Variants in SYT16 observed in about 807,000 individuals in gnomAD.
SYT16 encodes synaptotagmin-16.
Under a neutral mutation model 61.4 loss-of-function variants are expected in SYT16, and 42 were observed. The ratio of observed to expected loss-of-function variants is 0.68; its 90% CI spans 0.53 to 0.89. SYT16 has a LOEUF of 0.89. Among genes scored for constraint, SYT16 ranks in the 40% least tolerant of loss-of-function variants. The probability of loss-of-function intolerance (pLI) is 0.00; values close to 1 mark genes in which losing one functional copy is unlikely to be tolerated. For synonymous variants in SYT16, 314 were observed against 302.3 expected, an observed-to-expected ratio of 1.04 and a Z score of -0.40; for missense variants, 804 against 807.3, an observed-to-expected ratio of 1.00 and a Z score of 0.05.
chr14:61,818,810 A>G (rs2045526563), intron 1 of SYT16, among the ~76,000 whole-genome samples: 1 of 152,204 alleles, frequency 6.6e-6, no homozygotes, highest in East Asian at 1.9e-4. Context: ...AAGCCTGGGT[A>G]ATTATAAACA....
chr14:61,822,703 C>A (rs1325736412), intron 1 of SYT16, among the ~76,000 whole-genome samples: 1 of 152,056 alleles, frequency 6.6e-6, no homozygotes, highest in Non-Finnish European at 1.5e-5. Flanking sequence ...AAGCAGAAGG[C>A]AGTATGCTTT....
At chr14:61,848,573 C>T (rs1196210881) in intron 1 of SYT16, among the ~76,000 whole-genome samples, 1 of 152,158 alleles carries the variant, frequency 6.6e-6, no homozygotes, top group Non-Finnish European at 1.5e-5. Flanking sequence ...TAGCCGCTAC[C>T]TGGGTACTGC....
intron 1 of SYT16, among the ~76,000 whole-genome samples, chr14:61,898,307 A>G (rs1454531515): frequency 6.6e-6 from 1 of 152,196 alleles, no homozygotes; most frequent in Non-Finnish European, 1.5e-5. Flanking sequence ...TTAACCAGGA[A>G]AAGAGAGAAG....
At chr14:61,918,625 G>A (rs985854740) in intron 1 of SYT16, among the ~76,000 whole-genome samples, 4 of 151,808 alleles carry the variant, frequency 2.6e-5, no homozygotes, top group African/African-American at 9.7e-5. Flanking sequence ...TTTTATAAGA[G>A]TATGATTCCA....
intron 1 of SYT16, among the ~76,000 whole-genome samples, chr14:61,890,718 A>G (rs1023090185): frequency 6.6e-6 from 1 of 152,174 alleles, no homozygotes; most frequent in Admixed American, 6.5e-5. Flanking sequence ...TAAATACGTT[A>G]GTAAATAAGG....
At chr14:62,019,737 AGT>A (rs1287111798) in intron 3 of SYT16, among the ~76,000 whole-genome samples, 1 of 152,230 alleles carries the variant, frequency 6.6e-6, no homozygotes, top group African/African-American at 2.4e-5. Context: ...CAATAGGCAG[AGT>A]GTAATCTAAG....
chr14:61,995,916 A>G lies in SYT16; in HGVS notation c.-104A>G. 5 of 1,155,426 alleles carry G rather than the reference A, an allele frequency of 4.3e-6. No homozygotes were observed. Among genetic ancestry groups the G allele is most frequent in the Non-Finnish European group, 6.0e-6 (5 of 831,196 alleles). The allele number at this position is 1,155,426 out of a possible 1,614,324, so 71.6% of individuals were successfully genotyped here. ...GTGAAATATTCACAGCCATTAAGAG[A>G]CCTCCAAATTAATTTCTCAACATGC... On this transcript the variant is annotated 5_prime_UTR_variant, in exon 3 of 8. Transcript: ENST00000683842.
intron 3 of SYT16, among the ~76,000 whole-genome samples, chr14:62,020,405 ACCTCTC>A (rs139379743): frequency 0.019 from 2,844 of 151,866 alleles, 43 homozygotes; most frequent in Middle Eastern, 0.044. Flanking sequence ...TACCGCATAC[ACCTCTC>A]CCTCTCCCTC....
chr14:62,069,682 C>T lies in SYT16; in HGVS notation c.603C>T (p.Ser201=), dbSNP rs953514244. ...DEEVIKQFEI[S]VSRSQSFRSV... is the part of the protein sequence containing the mutation. The stretch of plus-strand genomic sequence containing the variant: ...AGGTGATCAAACAATTTGAGATTTC[C>T]GTGTCCCGGTCCCAGAGTTTCCGTT... Residue 201 remains serine, a synonymous_variant, in exon 4 of 8, where the codon TCC becomes TCT. Coordinates refer to ENST00000683842, the MANE Select transcript of SYT16 (RefSeq NM_001367656.1). The T allele has an allele frequency of 2.2e-5, 35 of 1,613,800 alleles. No homozygotes were observed. Among genetic ancestry groups the T allele is most frequent in the African/African-American group, 1.1e-4 (8 of 74,894 alleles).
chr14:61,918,725 G>T (rs2049214058), intron 1 of SYT16, among the ~76,000 whole-genome samples: 1 of 151,908 alleles, frequency 6.6e-6, no homozygotes. Flanking sequence ...AGTTATCTCT[G>T]GGGGGTGGGG....
intron 3 of SYT16, among the ~76,000 whole-genome samples, chr14:62,020,825 C>T (rs2053881275): frequency 1.3e-5 from 2 of 152,206 alleles, no homozygotes; most frequent in Admixed American, 6.5e-5. Flanking sequence ...ACCTATGCTG[C>T]TTGGCAGTGA....
chr14:61,910,619 C>T (rs2048897802), intron 1 of SYT16, among the ~76,000 whole-genome samples: 1 of 151,748 alleles, frequency 6.6e-6, no homozygotes, highest in African/African-American at 2.4e-5. Context: ...CAACCTCTGC[C>T]TCCCGGATTC....
intron 1 of SYT16, among the ~76,000 whole-genome samples, chr14:61,857,680 A>G (rs917828496): frequency 6.6e-6 from 1 of 152,166 alleles, no homozygotes; most frequent in African/African-American, 2.4e-5. Flanking sequence ...TAGCATGTAC[A>G]GTGATAGGAA....
upstream of SYT16, chr14:61,812,381 G>A (rs2045296931): frequency 6.6e-6 from 1 of 152,410 alleles, no homozygotes; most frequent in Admixed American, 6.5e-5. Flanking sequence ...TCGAAAACAA[G>A]GATATAGCGG....
At chr14:62,076,003 TA>T (rs2056483217) in intron 5 of SYT16, among the ~76,000 whole-genome samples, 1 of 152,260 alleles carries the variant, frequency 6.6e-6, no homozygotes, top group Non-Finnish European at 1.5e-5. Flanking sequence ...AAATCTCTGA[TA>T]AAAGATACTT....
intron 3 of SYT16, among the ~76,000 whole-genome samples, chr14:62,041,535 C>A (rs373771198): frequency 6.6e-6 from 1 of 152,120 alleles, no homozygotes; most frequent in East Asian, 1.9e-4. Context: ...GAGATGGAGT[C>A]TTGCTCTGTC....
chr14:62,093,990 T>C (rs1207446947), intron 7 of SYT16, among the ~76,000 whole-genome samples: 2 of 152,130 alleles, frequency 1.3e-5, no homozygotes, highest in Non-Finnish European at 2.9e-5. Flanking sequence ...GAGGTGATGA[T>C]ATTCAAAATG....
intron 1 of SYT16, among the ~76,000 whole-genome samples, chr14:61,951,210 ATG>A (rs1158298768): frequency 2.6e-5 from 4 of 152,172 alleles, no homozygotes; most frequent in Non-Finnish European, 5.9e-5. Flanking sequence ...ACACAAGAAA[ATG>A]TGTTGTCTGA....
chr14:61,895,574 C>T (rs2048296543), intron 1 of SYT16, among the ~76,000 whole-genome samples: 1 of 152,104 alleles, frequency 6.6e-6, no homozygotes, highest in African/African-American at 2.4e-5. Flanking sequence ...TAAAACAGGG[C>T]CTGGCAAATA....
Sources: gnomAD v4.1 joint callset for allele counts (sites outside exome capture counted in the v4.1 genomes callset) on GRCh38, gnomAD v4.1.1 for gene constraint, MANE v1.5 for transcripts, NCBI Gene and HGNC (gene_info 2026-07-23, HGNC 2026-07-21) for gene names.